FUT8: variants seen among roughly 807,000 people sequenced by gnomAD.
FUT8 encodes fucosyltransferase 8.
A neutral mutation model predicts 71.3 loss-of-function variants in FUT8; 29 were observed. The ratio of observed to expected loss-of-function variants is 0.41; its 90% CI spans 0.30 to 0.55. The LOEUF is 0.55. Among genes scored for constraint, FUT8 ranks in the 20% least tolerant of loss-of-function variants. The probability of loss-of-function intolerance (pLI) is 0.34; values close to 1 mark genes in which losing one functional copy is unlikely to be tolerated. For synonymous variants in FUT8, 254 were observed against 239.3 expected (o/e 1.06, Z -0.57); for missense variants, 544 against 702.1 (o/e 0.77, Z 2.55).
At chr14:65,435,452 T>C (rs1203675838) in intron 1 of FUT8, among the ~76,000 whole-genome samples, 1 of 152,188 alleles carries the variant, frequency 6.6e-6, no homozygotes, top group Non-Finnish European at 1.5e-5. Context: ...TTCCTTTACA[T>C]TGCTGAGTAG....
chr14:65,735,093 A>G (rs574052361), intron 10 of FUT8, among the ~76,000 whole-genome samples: 17 of 152,164 alleles, frequency 1.1e-4, no homozygotes, highest in South Asian at 6.2e-4. Flanking sequence ...ATGTTTACCA[A>G]CCTCACATGT....
At chr14:65,665,755 A>G (rs184209712) in intron 6 of FUT8, among the ~76,000 whole-genome samples, 16 of 152,312 alleles carry the variant, frequency 1.1e-4, no homozygotes, top group African/African-American at 3.8e-4. Context: ...TGCAACCATA[A>G]AAAAGAATGA....
At chr14:65,512,869 C>T (rs577439629) in intron 2 of FUT8, among the ~76,000 whole-genome samples, 1 of 144,484 alleles carries the variant, frequency 6.9e-6, no homozygotes, top group African/African-American at 2.6e-5. Context: ...CATCACGCCA[C>T]TGCACTCCAG....
chr14:65,651,681 A>G (rs1392376327), intron 6 of FUT8, among the ~76,000 whole-genome samples: 1 of 152,250 alleles, frequency 6.6e-6, no homozygotes. Context: ...AGAAAGTGTC[A>G]CCAAAGTAAT....
chr14:65,690,239 G>T (rs1893506365), intron 7 of FUT8, among the ~76,000 whole-genome samples: 1 of 152,006 alleles, frequency 6.6e-6, no homozygotes, highest in Admixed American at 6.6e-5. Context: ...TCATCTATTT[G>T]TCTGTTTTCC....
chr14:65,484,397 T>C (rs2066377933), intron 2 of FUT8, among the ~76,000 whole-genome samples: 2 of 152,200 alleles, frequency 1.3e-5, no homozygotes, highest in Non-Finnish European at 2.9e-5. Flanking sequence ...TTTACTGGGC[T>C]GAGGAAGTTT....
intron 6 of FUT8, among the ~76,000 whole-genome samples, chr14:65,642,174 T>G (rs1381848647): frequency 6.6e-6 from 1 of 152,216 alleles, no homozygotes; most frequent in Non-Finnish European, 1.5e-5. Context: ...TACATTTAGG[T>G]CTAAGATCCA....
chr14:65,404,768 C>T, the FUT8 span, among the ~76,000 whole-genome samples: 9 of 152,326 alleles, frequency 5.9e-5, no homozygotes, highest in South Asian at 2.1e-4. Context: ...CTGCTGCACC[C>T]GGCGCCGGCC....
intron 8 of FUT8, among the ~76,000 whole-genome samples, chr14:65,723,521 C>A (rs187244537): frequency 1.3e-5 from 2 of 152,202 alleles, no homozygotes; most frequent in African/African-American, 4.8e-5. Flanking sequence ...AAAGGAAATG[C>A]ATTATGCCCA....
At chr14:65,598,139 G>A (rs897828822) in intron 3 of FUT8, among the ~76,000 whole-genome samples, 4 of 152,096 alleles carry the variant, frequency 2.6e-5, no homozygotes, top group Non-Finnish European at 5.9e-5. Flanking sequence ...TTGCACCAGC[G>A]TGGGCAACGG....
intron 7 of FUT8, among the ~76,000 whole-genome samples, chr14:65,709,156 TAAAAC>T (rs938591342): frequency 2.6e-5 from 4 of 152,122 alleles, no homozygotes; most frequent in East Asian, 1.9e-4. Flanking sequence ...CAAAATAAAT[TAAAAC>T]AAAACAAATA....
the FUT8 span, among the ~76,000 whole-genome samples, chr14:65,372,902 G>A: frequency 6.6e-6 from 1 of 152,078 alleles, no homozygotes; most frequent in Non-Finnish European, 1.5e-5. Context: ...CACATACCTG[G>A]TGTGTTCCTA....
At chr14:65,573,150 T>C (rs1886577981) in intron 3 of FUT8, among the ~76,000 whole-genome samples, 1 of 152,122 alleles carries the variant, frequency 6.6e-6, no homozygotes, top group African/African-American at 2.4e-5. Context: ...TTTATTCTTA[T>C]TTATAGTATC....
chr14:65,418,223 G>A (rs2065245712), intron 1 of FUT8, among the ~76,000 whole-genome samples: 1 of 152,146 alleles, frequency 6.6e-6, no homozygotes, highest in Non-Finnish European at 1.5e-5. Flanking sequence ...GAAAATGGGA[G>A]AGTCCTCTTA....
the FUT8 span, among the ~76,000 whole-genome samples, chr14:65,360,607 C>T: frequency 6.6e-6 from 1 of 152,208 alleles, no homozygotes; most frequent in African/African-American, 2.4e-5. Flanking sequence ...GAGCTCTGCA[C>T]TGGATAATGA....
intron 7 of FUT8, among the ~76,000 whole-genome samples, chr14:65,703,384 C>G (rs947198555): frequency 6.6e-6 from 1 of 152,148 alleles, no homozygotes; most frequent in African/African-American, 2.4e-5. Context: ...TATGGATATC[C>G]CCTCTTCTTC....
At chr14:65,425,134 T>C (rs2139403472) in intron 1 of FUT8, among the ~76,000 whole-genome samples, 1 of 152,074 alleles carries the variant, frequency 6.6e-6, no homozygotes, top group East Asian at 1.9e-4. Flanking sequence ...TCTAAGAGTT[T>C]AAAGCTAAAA....
At chr14:65,684,993 A>G (rs750679003) in intron 7 of FUT8, among the ~76,000 whole-genome samples, 4 of 152,312 alleles carry the variant, frequency 2.6e-5, no homozygotes, top group Non-Finnish European at 4.4e-5. Context: ...ATCAAATGCC[A>G]TTTTGTATTA....
intron 7 of FUT8, among the ~76,000 whole-genome samples, chr14:65,680,096 T>G (rs1423672050): frequency 6.6e-6 from 1 of 152,176 alleles, no homozygotes; most frequent in African/African-American, 2.4e-5. Flanking sequence ...ACCTTATAAT[T>G]AGCTCACACA....
Sources: allele counts gnomAD v4.1 joint callset (sites outside exome capture counted in the v4.1 genomes callset), GRCh38; gene constraint gnomAD v4.1.1; transcripts MANE v1.5; gene names NCBI Gene and HGNC (gene_info 2026-07-23, HGNC 2026-07-21).